SNX11: variants seen among roughly 807,000 people sequenced by gnomAD.
SNX11 encodes sorting nexin 11, also known as sorting nexin-11.
Under a neutral mutation model 30.7 loss-of-function variants are expected in SNX11, and 19 were observed. The ratio of observed to expected loss-of-function variants is 0.62; its 90% CI spans 0.43 to 0.91. The LOEUF is 0.91. Ranked by LOEUF, SNX11 falls within the 40% of genes least tolerant of loss-of-function variation. The pLI is 0.00. For missense variants in SNX11, 302 were observed against 326.7 expected (o/e 0.92, Z 0.58); for synonymous variants, 112 against 119.0 (o/e 0.94, Z 0.38).
intron 6 of SNX11, among the ~76,000 whole-genome samples, chr17:48,120,496 T>C (rs1383387312): frequency 4.5e-5 from 6 of 131,912 alleles, no homozygotes; most frequent in East Asian, 2.4e-4. Context: ...GTGTGAGCCA[T>C]CGCACCTGGC....
In SNX11 at chr17:48,123,323, A is replaced by C. The variant is rs1055082523; in HGVS notation, c.*1815A>C. ...TGAATATTAATGAGCCCAATGCTCC[A>C]AATGGTGCAGCTGTGAACCCAGCTG... On this transcript the variant is annotated 3_prime_UTR_variant, in exon 7 of 7. Transcript: ENST00000359238. Among the ~76,000 whole-genome samples the C allele has an allele frequency of 3.9e-5, 6 of 152,214 alleles. No homozygotes were observed. The highest frequency in any genetic ancestry group is 1.4e-4 in the African/African-American group (6 of 41,464).
At position 48,121,515 on chromosome 17, in the gene SNX11, G is replaced by A. The variant is rs761116231; in HGVS notation, c.*7G>A. ...AACAGTTTTGGAAAAGTGAGCTCTG[G>A]GTTCTGCTCTGAGATGGTCAGAGAA... On this transcript the variant is annotated 3_prime_UTR_variant, in exon 7 of 7. Transcript: ENST00000359238. 2.7e-5 allele frequency: 43 copies of A among 1,612,094 alleles called. No homozygotes were observed. The highest frequency in any genetic ancestry group is 3.5e-5 in the Non-Finnish European group (41 of 1,179,678).
intron 4 of SNX11, among the ~76,000 whole-genome samples, chr17:48,118,302 C>T (rs1250530507): frequency 1.3e-5 from 2 of 152,092 alleles, no homozygotes; most frequent in African/African-American, 2.4e-5. Flanking sequence ...TAATTGGGGC[C>T]AGGCACGGTG....
At chr17:48,117,403 C>T (rs1387832027) in intron 4 of SNX11, among the ~76,000 whole-genome samples, 3 of 151,496 alleles carry the variant, frequency 2.0e-5, no homozygotes, top group South Asian at 2.1e-4. Context: ...TACAGGCGCC[C>T]GCCACCACGC....
At chr17:48,115,352 G>A (rs1305274971) in intron 4 of SNX11, among the ~76,000 whole-genome samples, 1 of 152,132 alleles carries the variant, frequency 6.6e-6, no homozygotes, top group East Asian at 1.9e-4. Flanking sequence ...GTGAGCCACC[G>A]CACCCGGCCA....
chr17:48,115,190 T>C (rs1369291778), intron 4 of SNX11, among the ~76,000 whole-genome samples: 2 of 151,522 alleles, frequency 1.3e-5, no homozygotes, highest in Admixed American at 1.3e-4. Context: ...GCTTCCCGAG[T>C]AGCTGGGATT....
At chr17:48,110,317 A>G (rs2063478561) in intron 1 of SNX11, among the ~76,000 whole-genome samples, 1 of 152,228 alleles carries the variant, frequency 6.6e-6, no homozygotes, top group Admixed American at 6.5e-5. Context: ...CAAGAATACC[A>G]TTTAAGATGG....
chr17:48,116,503 G>A (rs558014380), intron 4 of SNX11, among the ~76,000 whole-genome samples: 35 of 152,046 alleles, frequency 2.3e-4, no homozygotes, highest in African/African-American at 8.4e-4. Flanking sequence ...ACAGTTGTGA[G>A]CCACTGCGTC....
intron 4 of SNX11, among the ~76,000 whole-genome samples, chr17:48,117,356 G>A (rs1482503950): frequency 1.3e-5 from 2 of 151,356 alleles, no homozygotes; most frequent in East Asian, 1.9e-4. Context: ...CCAGGTTCAC[G>A]CCATTCTCCT....
chr17:48,123,367 C>A lies in SNX11; in HGVS notation c.*1859C>A, dbSNP rs931627205. Among the ~76,000 whole-genome samples the A allele has an allele frequency of 1.3e-5, 2 of 152,112 alleles. No individual in the cohort carries two copies. Among genetic ancestry groups the A allele is most frequent in the African/African-American group, 4.8e-5 (2 of 41,428 alleles). On this transcript the variant is annotated 3_prime_UTR_variant, in exon 7 of 7. Transcript: ENST00000359238. ...CCAGCTGTGCCTGAAGCTCTCTGAT[C>A]TCGAAACTTCCAGACAGGAGCTGGA...
chr17:48,110,465 T>C (rs972721409), intron 1 of SNX11, among the ~76,000 whole-genome samples: 4 of 152,222 alleles, frequency 2.6e-5, no homozygotes, highest in African/African-American at 9.6e-5. Context: ...AAAAAGTGGT[T>C]TGCTTTGCTA....
chr17:48,109,092 C>G (rs1294307786), intron 1 of SNX11, among the ~76,000 whole-genome samples: 1 of 151,214 alleles, frequency 6.6e-6, no homozygotes, highest in Non-Finnish European at 1.5e-5. Context: ...GCCACCATGC[C>G]CAGCTAATTT....
intron 4 of SNX11, among the ~76,000 whole-genome samples, chr17:48,116,257 A>AAAC (rs1391026474): frequency 2.0e-5 from 3 of 152,102 alleles, no homozygotes; most frequent in Non-Finnish European, 4.4e-5. Flanking sequence ...ACTGTCTCAA[A>AAAC]AACAACAACA....
At chr17:48,113,430 T>C in intron 4 of SNX11, 29 bp downstream of exon 4, 1 of 1,555,648 alleles carries the variant, frequency 6.4e-7, no homozygotes, top group Non-Finnish European at 8.9e-7. Flanking sequence ...CCTTCTTGGG[T>C]CTGTGACTGG....
At chr17:48,113,533 T>C (rs2144511160) in intron 4 of SNX11, 132 bp downstream of exon 4, 1 of 638,052 alleles carries the variant, frequency 1.6e-6, no homozygotes, top group African/African-American at 1.8e-5. Context: ...TGTTGTTTCT[T>C]TTTTTGTTTT....
intron 4 of SNX11, among the ~76,000 whole-genome samples, chr17:48,113,894 G>T (rs1323903595): frequency 7.0e-6 from 1 of 143,106 alleles, no homozygotes; most frequent in Non-Finnish European, 1.5e-5. Context: ...TTGCTCTGTT[G>T]CCCAGGCTGG....
chr17:48,120,147 A>C (rs1016555351), intron 6 of SNX11, among the ~76,000 whole-genome samples: 7 of 146,000 alleles, frequency 4.8e-5, no homozygotes, highest in Admixed American at 4.8e-4. Flanking sequence ...ATAGCAGTCC[A>C]TTTATATGGT....
chr17:48,118,306 C>T (rs1203474374), intron 4 of SNX11, among the ~76,000 whole-genome samples: 1 of 152,126 alleles, frequency 6.6e-6, no homozygotes, highest in Non-Finnish European at 1.5e-5. Flanking sequence ...TGGGGCCAGG[C>T]ACGGTGGCTC....
chr17:48,120,826 A>G (rs2063592517), intron 6 of SNX11, among the ~76,000 whole-genome samples: 1 of 150,570 alleles, frequency 6.6e-6, no homozygotes, highest in South Asian at 2.1e-4. Context: ...TTATTTTTTT[A>G]AATTGAGATA....
Sources: gnomAD v4.1 joint callset for allele counts (sites outside exome capture counted in the v4.1 genomes callset) on GRCh38, gnomAD v4.1.1 for gene constraint, MANE v1.5 for transcripts, NCBI Gene and HGNC (gene_info 2026-07-23, HGNC 2026-07-21) for gene names.